Variants in SMOC2 observed in about 807,000 individuals in gnomAD.
SMOC2 encodes SPARC-related modular calcium-binding protein 2.
In SMOC2, 39 loss-of-function variants were observed where a neutral mutation model predicts 61.4. That is an observed-to-expected ratio of 0.64 (90% confidence interval 0.49 to 0.83). The LOEUF (loss-of-function observed/expected upper bound fraction) is 0.83, where lower values mean the gene tolerates loss of function less well. SMOC2 is among the 40% of genes least tolerant of loss of function. The pLI is 0.00. For missense variants in SMOC2, 556 were observed against 592.9 expected (o/e 0.94, Z 0.65); for synonymous variants, 247 against 239.9 (o/e 1.03, Z -0.27).
intron 9 of SMOC2, among the ~76,000 whole-genome samples, chr6:168,639,489 G>A (rs1241714290): frequency 6.6e-6 from 1 of 152,166 alleles, no homozygotes; most frequent in Non-Finnish European, 1.5e-5. Flanking sequence ...TCCAATATTT[G>A]TCTTTCCGTT....
chr6:168,563,313 G>A (rs1784465505), intron 7 of SMOC2, among the ~76,000 whole-genome samples: 1 of 151,956 alleles, frequency 6.6e-6, no homozygotes, highest in African/African-American at 2.4e-5. Flanking sequence ...ATATATGTGT[G>A]TATGTATATA....
intron 11 of SMOC2, chr6:168,655,591 CAT>C (rs1450223722): frequency 2.9e-6 from 1 of 348,660 alleles, no homozygotes; most frequent in Non-Finnish European, 5.8e-6. Context: ...ATACCCGGCA[CAT>C]GTGTGCCAGA....
intron 9 of SMOC2, among the ~76,000 whole-genome samples, chr6:168,626,063 A>C (rs1330308698): frequency 6.6e-6 from 1 of 152,248 alleles, no homozygotes; most frequent in African/African-American, 2.4e-5. Context: ...CTGTTTCCTC[A>C]GTCACTGGAG....
chr6:168,554,595 G>A (rs1010669869), intron 7 of SMOC2, among the ~76,000 whole-genome samples: 2 of 152,350 alleles, frequency 1.3e-5, no homozygotes, highest in African/African-American at 4.8e-5. Context: ...GCGTGTCCTG[G>A]AAGACCTTTC....
intron 7 of SMOC2, among the ~76,000 whole-genome samples, chr6:168,579,173 G>A (rs1431594019): frequency 1.3e-5 from 2 of 152,202 alleles, no homozygotes; most frequent in Non-Finnish European, 2.9e-5. Context: ...TGTTCCCCTC[G>A]GGGTGGGCAG....
chr6:168,474,208 G>A (rs916182770), intron 1 of SMOC2, among the ~76,000 whole-genome samples: 4 of 152,088 alleles, frequency 2.6e-5, no homozygotes, highest in African/African-American at 7.2e-5. Flanking sequence ...CCTACAGCTC[G>A]CAGGTTCCTG....
chr6:168,507,861 A>G (rs1782911240), intron 1 of SMOC2, among the ~76,000 whole-genome samples: 1 of 152,260 alleles, frequency 6.6e-6, no homozygotes, highest in African/African-American at 2.4e-5. Flanking sequence ...ACAATTGTGA[A>G]AAATAGCTCA....
chr6:168,522,388 A>G (rs187544290), intron 2 of SMOC2, among the ~76,000 whole-genome samples: 1 of 152,234 alleles, frequency 6.6e-6, no homozygotes, highest in South Asian at 2.1e-4. Context: ...TTCAAACAAA[A>G]ATTTACATCT....
At chr6:168,541,521 C>T (rs1002016797) in intron 4 of SMOC2, among the ~76,000 whole-genome samples, 2 of 152,184 alleles carry the variant, frequency 1.3e-5, no homozygotes, top group African/African-American at 4.8e-5. Context: ...TGTGTGCTTG[C>T]ATGGCTCTGC....
intron 7 of SMOC2, among the ~76,000 whole-genome samples, chr6:168,555,905 C>G (rs981508852): frequency 6.6e-6 from 1 of 152,186 alleles, no homozygotes; most frequent in African/African-American, 2.4e-5. Flanking sequence ...CAGTCCCTTA[C>G]CAGCAGGGTG....
rs1782166931 is a variant in SMOC2 at position 168,479,736 on chromosome 6, A to G, written c.85-30179A>G. 2.6e-5 allele frequency among the ~76,000 whole-genome samples: 4 copies of G among 152,316 alleles called. No homozygotes were observed. The South Asian group carries it at 8.3e-4, about 32-fold the overall frequency. Reference sequence around the variant, plus strand: ...CAAATATGAGGAAGCTGTGCTGTGAATGTTGATTGCAGCTGTTGATAACAG... The same window carrying G: ...CAAATATGAGGAAGCTGTGCTGTGAGTGTTGATTGCAGCTGTTGATAACAG... On this transcript the variant is annotated intron_variant, in intron 1 of 12. Coordinates refer to ENST00000356284, the MANE Select transcript of SMOC2 (RefSeq NM_001166412.2).
chr6:168,455,837 A>C (rs189133188), intron 1 of SMOC2, among the ~76,000 whole-genome samples: 1 of 152,368 alleles, frequency 6.6e-6, no homozygotes, highest in African/African-American at 2.4e-5. Flanking sequence ...GAAAATTGCA[A>C]GTGGCAGAAT....
In SMOC2 at chr6:168,543,680, T is replaced by C; in HGVS notation, c.511+8T>C. The C allele has an allele frequency of 3.7e-6, 6 of 1,612,276 alleles. No individual in the cohort carries two copies. Among genetic ancestry groups the C allele is most frequent in the Non-Finnish European group, 5.1e-6 (6 of 1,178,408 alleles). On this transcript the variant is annotated splice_region_variant and intron_variant, in intron 5 of 12. Transcript: ENST00000356284. ...AAGGCACAGGAAAAACAGGTAACTA[T>C]CTTAGAATAAATGTCTATGACGATA...
intron 7 of SMOC2, among the ~76,000 whole-genome samples, chr6:168,563,719 G>A (rs1470856073): frequency 1.3e-5 from 2 of 152,188 alleles, no homozygotes; most frequent in East Asian, 3.9e-4. Flanking sequence ...ACCAGGGAAT[G>A]GGTCCCCAGC....
At chr6:168,566,991 A>G (rs1025083069) in intron 7 of SMOC2, among the ~76,000 whole-genome samples, 2 of 152,198 alleles carry the variant, frequency 1.3e-5, no homozygotes, top group African/African-American at 4.8e-5. Context: ...CTGACCACAA[A>G]GCATTCTCTC....
intron 1 of SMOC2, among the ~76,000 whole-genome samples, chr6:168,490,460 C>T (rs1562553454): frequency 1.3e-5 from 2 of 152,126 alleles, no homozygotes; most frequent in African/African-American, 2.4e-5. Flanking sequence ...TTTCACTGGG[C>T]AGCTGACTCT....
intron 11 of SMOC2, among the ~76,000 whole-genome samples, chr6:168,660,050 T>TTGAGTAAGGG (rs1554255898): frequency 3.2e-4 from 48 of 150,306 alleles, no homozygotes; most frequent in Admixed American, 6.0e-4. Flanking sequence ...AGGTTGTAGG[T>TTGAGTAAGGG]TGGCCTGAAT....
intron 4 of SMOC2, among the ~76,000 whole-genome samples, chr6:168,539,740 C>T (rs1783834587): frequency 6.6e-6 from 1 of 152,232 alleles, no homozygotes; most frequent in Non-Finnish European, 1.5e-5. Flanking sequence ...TGCTCTCTGC[C>T]AGCCTGTGCG....
intron 7 of SMOC2, among the ~76,000 whole-genome samples, chr6:168,551,007 T>C (rs1016905588): frequency 1.3e-5 from 2 of 152,210 alleles, no homozygotes; most frequent in Non-Finnish European, 2.9e-5. Flanking sequence ...GTAATCCCCA[T>C]AATCTGCACA....
Sources: gnomAD v4.1 joint callset for allele counts (sites outside exome capture counted in the v4.1 genomes callset) on GRCh38, gnomAD v4.1.1 for gene constraint, MANE v1.5 for transcripts, NCBI Gene and HGNC (gene_info 2026-07-23, HGNC 2026-07-21) for gene names.